The following SCYL3 variants were observed in gnomAD, a reference collection of about 807,000 sequenced individuals.
SCYL3 encodes the protein SCY1 like pseudokinase 3, also known as protein-associating with the carboxyl-terminal domain of ezrin.
In SCYL3, 35 loss-of-function variants were observed where a neutral mutation model predicts 73.8. That is an observed-to-expected ratio of 0.47 (90% confidence interval 0.36 to 0.63). The LOEUF (loss-of-function observed/expected upper bound fraction) is 0.63, where lower values mean the gene tolerates loss of function less well. Ranked by LOEUF, SCYL3 falls within the 20% of genes least tolerant of loss-of-function variation. SCYL3 has a pLI of 0.00. For missense variants in SCYL3, 712 were observed against 798.9 expected, an observed-to-expected ratio of 0.89 and a Z score of 1.31; for synonymous variants, 277 against 295.2, an observed-to-expected ratio of 0.94 and a Z score of 0.63.
intron 10 of SCYL3, 33 bp from the exon 11 acceptor site, chr1:169,859,245 C>G: frequency 6.3e-7 from 1 of 1,578,218 alleles, no homozygotes; most frequent in Non-Finnish European, 8.6e-7. Context: ...GGGTTGACAA[C>G]CACAATACCT....
intron 2 of SCYL3, among the ~76,000 whole-genome samples, chr1:169,882,303 C>T (rs971993204): frequency 3.5e-4 from 54 of 152,220 alleles, no homozygotes; most frequent in African/African-American, 1.1e-3. Context: ...GCCAGCCCAC[C>T]GGTGCTGCAC....
rs533455766 is a variant in SCYL3, at chr1:169,854,720, G to A, written c.1557C>T (p.Cys519=). 37 of 1,613,882 alleles carry A rather than the reference G, an allele frequency of 2.3e-5. 1 individual carries two copies. The East Asian group carries it at 3.6e-4, about 16-fold the overall frequency. Reference sequence around the variant, plus strand: ...CTTTAGTATCTAAGCTGCTGGGCTCGCAGTCATCCCAAGATGACTCTTCCA... The same window carrying A: ...CTTTAGTATCTAAGCTGCTGGGCTCACAGTCATCCCAAGATGACTCTTCCA... ...LDVEESSWDD[C]EPSSLDTKVN... Residue 519 remains cysteine, a synonymous_variant, in exon 12 of 13, where the codon TGC becomes TGT. Coordinates refer to ENST00000367771, the MANE Select transcript of SCYL3 (RefSeq NM_020423.7).
At chr1:169,856,219 G>A (rs764736264) in intron 11 of SCYL3, among the ~76,000 whole-genome samples, 56 of 152,140 alleles carry the variant, frequency 3.7e-4, no homozygotes, top group Admixed American at 2.1e-3. Flanking sequence ...TAACCTTTGG[G>A]ACACCTAGCT....
intron 2 of SCYL3, among the ~76,000 whole-genome samples, chr1:169,879,060 T>A (rs891035081): frequency 6.6e-6 from 1 of 152,230 alleles, no homozygotes; most frequent in Non-Finnish European, 1.5e-5. Flanking sequence ...CATTGTAGTG[T>A]AAGCCTCATA....
chr1:169,890,613 C>T (rs1662016286), intron 1 of SCYL3, among the ~76,000 whole-genome samples: 1 of 152,246 alleles, frequency 6.6e-6, no homozygotes, highest in African/African-American at 2.4e-5. Flanking sequence ...TACCGATCCA[C>T]AACCATCGTT....
intron 3 of SCYL3, among the ~76,000 whole-genome samples, chr1:169,878,418 C>T (rs1401043889): frequency 6.6e-6 from 1 of 152,212 alleles, no homozygotes; most frequent in East Asian, 1.9e-4. Flanking sequence ...AAGTAACTGT[C>T]CAGGGACACA....
chr1:169,880,877 T>C (rs12143739), intron 2 of SCYL3, among the ~76,000 whole-genome samples: 9,969 of 151,658 alleles, frequency 0.066, 430 homozygotes, highest in Non-Finnish European at 0.1. Context: ...TTCCCCTGCC[T>C]CAGCCTCCCG....
In SCYL3 at chr1:169,850,405, A is replaced by T. The variant is rs897909147; in HGVS notation, c.*3308T>A. On this transcript the variant is annotated 3_prime_UTR_variant, in exon 13 of 13. Transcript: ENST00000367771. ...GTCCTATTTTTTTTTTTCCGAAATT[A>T]TGTAACTGTAACCAACCTGAGTGTC... The T allele has an allele frequency of 5.8e-6, 7 of 1,208,106 alleles. No individual in the cohort carries two copies. The highest frequency in any genetic ancestry group is 4.6e-5 in the African/African-American group (3 of 65,114). The allele number at this position is 1,208,106 out of a possible 1,614,324, so 74.8% of individuals were successfully genotyped here.
chr1:169,876,355 G>A (rs901512939), intron 3 of SCYL3, among the ~76,000 whole-genome samples: 16 of 152,146 alleles, frequency 1.1e-4, no homozygotes, highest in Non-Finnish European at 2.9e-5. Flanking sequence ...TCATGTGGCA[G>A]GTTAATAAAC....
intron 11 of SCYL3, among the ~76,000 whole-genome samples, chr1:169,855,248 A>G (rs1199397707): frequency 6.6e-6 from 1 of 152,238 alleles, no homozygotes; most frequent in African/African-American, 2.4e-5. Flanking sequence ...GTATATTCAC[A>G]TAAATATAGA....
rs200012098 is a variant in SCYL3, at chr1:169,859,196, C to T, written c.1157G>A (p.Arg386His). 3.1e-6 allele frequency: 5 copies of T among 1,611,018 alleles called. 1 individual carries two copies. In the Admixed American group the frequency reaches 5.1e-5, roughly 16 times the overall value. ...VILPQVLLGL[R>H]DTSDSIVAIT... ...TGCCACAATGGAATCGCTAGTATCA[C>T]GCAGGCCCAGCAAAACCTAGGAGCA... Residue 386 changes from arginine (R) to histidine (H), a missense_variant, in exon 11 of 13, where the codon CGT becomes CAT. Transcript: ENST00000367771.
intron 2 of SCYL3, among the ~76,000 whole-genome samples, chr1:169,886,572 C>A (rs914126726): frequency 6.6e-6 from 1 of 152,182 alleles, no homozygotes; most frequent in Non-Finnish European, 1.5e-5. Flanking sequence ...TAAAGACACT[C>A]AAGAATCATT....
Position 169,876,059 on chromosome 1 carries a change from T to C in SCYL3, c.384A>G (p.Ser128=). ...GTCCATCTTCACTCACAAACACAGATGATAAACAGACATTATTGTGTGTTA... is the reference window on the plus strand; with the variant it reads ...GTCCATCTTCACTCACAAACACAGACGATAAACAGACATTATTGTGTGTTA... ...GHLTHNNVCL[S]SVFVSEDGHW... is the part of the protein sequence containing the mutation. The change falls in exon 4 of 13, where the codon TCA becomes TCG. Residue 128 remains serine (S), a synonymous_variant. Transcript: ENST00000367771. The C allele has an allele frequency of 1.9e-6, 3 of 1,609,510 alleles. No homozygotes were observed. The highest frequency in any genetic ancestry group is 1.7e-5 in the Admixed American group (1 of 59,192).
In SCYL3 at chr1:169,878,818, T is replaced by G; in HGVS notation, c.167A>C (p.His56Pro). Reference sequence around the variant, plus strand: ...GCAAGGGTGACGAAGTGTCTTCAAATGCTTTAAAAATACAAACCGAAGAGC... The same window carrying G: ...GCAAGGGTGACGAAGTGTCTTCAAAGGCTTTAAAAATACAAACCGAAGAGC... ...NEDKVNKAAK[H>P]LKTLRHPCLL... Residue 56 changes from histidine to proline, a missense_variant and splice_region_variant, in exon 3 of 13, where the codon CAT becomes CCT. Around this residue, in one of 2 missense-constraint regions of SCYL3, gnomAD observed 342 missense variants for 448.1 expected, o/e 0.76. Coordinates refer to ENST00000367771, the MANE Select transcript of SCYL3 (RefSeq NM_020423.7). The G allele has an allele frequency of 1.2e-5, 19 of 1,606,232 alleles. No homozygotes were observed. Among genetic ancestry groups the G allele is most frequent in the Non-Finnish European group, 1.6e-5 (19 of 1,177,180 alleles).
chr1:169,854,315 T>C lies in SCYL3; in HGVS notation c.1962A>G (p.Pro654=). ...CAAATTTTGAGGAAAACTGCATCACTGGGGAGACATCATCCTTTTTTGGGA... is the reference window on the plus strand; with the variant it reads ...CAAATTTTGAGGAAAACTGCATCACCGGGGAGACATCATCCTTTTTTGGGA... The part of the protein sequence containing the change: ...EMVPKKDDVS[P]VMQFSSKFAA... Residue 654 remains proline (P), a synonymous_variant, in exon 12 of 13, where the codon CCA becomes CCG. Transcript: ENST00000367771. 1 of 1,612,048 alleles carries C rather than the reference T, an allele frequency of 6.2e-7. No homozygotes were observed. The highest frequency in any genetic ancestry group is 8.5e-7 in the Non-Finnish European group (1 of 1,179,444).
chr1:169,878,714 C>T lies in SCYL3; in HGVS notation c.271G>A (p.Ala91Thr), dbSNP rs1295361060. 1 of 1,614,030 alleles carries T rather than the reference C, an allele frequency of 6.2e-7. No homozygotes were observed. Among genetic ancestry groups the T allele is most frequent in the African/African-American group, 1.3e-5 (1 of 74,924 alleles). Residue 91 changes from alanine to threonine, a missense_variant, in exon 3 of 13, where the codon GCT (alanine) becomes ACT (threonine). Physicochemically the swap from Ala to Thr is moderately conservative, Grantham distance 58. Around this residue, in one of 2 missense-constraint regions of SCYL3, gnomAD observed 342 missense variants for 448.1 expected, o/e 0.76. Transcript: ENST00000367771. ...TCTGCAGAAGACAATGTTTCCAAAG[C>T]CACTTCCAGGGGCTGTACTCGCTCA... ...VTERVQPLEV[A>T]LETLSSAEVC...
Position 169,853,472 on chromosome 1 carries a change from A to G in SCYL3, c.*241T>C. On this transcript the variant is annotated 3_prime_UTR_variant, in exon 13 of 13. Coordinates refer to ENST00000367771, the MANE Select transcript of SCYL3 (RefSeq NM_020423.7). ...CTTGCTCTTCATAGAAACTGGCCTC[A>G]GTCAAATGCACAAAGGCTCTTCCTC... 1 of 471,408 alleles carries G rather than the reference A, an allele frequency of 2.1e-6. No homozygotes were observed. The highest frequency in any genetic ancestry group is 3.7e-6 in the Non-Finnish European group (1 of 268,346). The allele number at this position is 471,408 out of a possible 1,614,324, so 29.2% of individuals were successfully genotyped here.
chr1:169,871,033 C>T (rs1337457811), intron 5 of SCYL3, among the ~76,000 whole-genome samples: 1 of 152,012 alleles, frequency 6.6e-6, no homozygotes, highest in East Asian at 1.9e-4. Flanking sequence ...TTTTCTTTAC[C>T]AGCACTCTTA....
Position 169,852,694 on chromosome 1 carries a change from A to T in SCYL3, c.*1019T>A. The stretch of plus-strand genomic sequence containing the variant: ...CTCCTACCCTTGTGATCCAATGACT[A>T]GAATAAAATTTGCATGTAAGCTTTA... On this transcript the variant is annotated 3_prime_UTR_variant, in exon 13 of 13. Transcript: ENST00000367771. 2 of 1,250,704 alleles carry T rather than the reference A, an allele frequency of 1.6e-6. No homozygotes were observed. The highest frequency in any genetic ancestry group is 2.3e-6 in the Non-Finnish European group (2 of 877,950). The allele number at this position is 1,250,704 out of a possible 1,614,324, so 77.5% of individuals were successfully genotyped here.
Sources: gnomAD v4.1 joint callset for allele counts (sites outside exome capture counted in the v4.1 genomes callset) on GRCh38, gnomAD v4.1.1 for gene constraint, gnomAD v4.1.1 regional missense constraint, MANE v1.5 for transcripts, NCBI Gene and HGNC (gene_info 2026-07-23, HGNC 2026-07-21) for gene names.